B3GALNT1: variants seen among roughly 807,000 people sequenced by gnomAD.
The protein encoded by B3GALNT1 is UDP-GalNAc:beta-1,3-N-acetylgalactosaminyltransferase 1.
Under a neutral mutation model 27.3 loss-of-function variants are expected in B3GALNT1, and 17 were observed. The ratio of observed to expected loss-of-function variants is 0.62; its 90% CI spans 0.43 to 0.94. The LOEUF is 0.94. Among genes scored for constraint, B3GALNT1 ranks in the 40% least tolerant of loss-of-function variants. The pLI is 0.00. For missense variants in B3GALNT1, 347 were observed against 390.0 expected, an observed-to-expected ratio of 0.89 and a Z score of 0.93; for synonymous variants, 141 against 144.0, an observed-to-expected ratio of 0.98 and a Z score of 0.15.
intron 4 of B3GALNT1, among the ~76,000 whole-genome samples, chr3:161,100,245 A>G (rs1730496708): frequency 6.6e-6 from 1 of 152,212 alleles, no homozygotes; most frequent in African/African-American, 2.4e-5. Flanking sequence ...CATATTTTAA[A>G]TTGTTCAATT....
chr3:161,086,565 G>C lies in B3GALNT1; in HGVS notation c.190C>G (p.His64Asp). 2.5e-6 allele frequency: 4 copies of C among 1,614,190 alleles called. No individual in the cohort carries two copies. The highest frequency in any genetic ancestry group is 1.6e-4 in the Middle Eastern group (1 of 6,062). The stretch of plus-strand genomic sequence containing the variant: ...TTTGAATGCTCTCGAAGTGTGAAGT[G>C]AAAGTCTTGTCTGTAAATCGGCTCA... ...EYEPIYRQDF[H>D]FTLREHSNCS... Residue 64 changes from histidine (H) to aspartate (D), a missense_variant, in exon 5 of 5, where the codon CAC becomes GAC. Transcript: ENST00000320474.
At chr3:161,090,776 C>T (rs1483234920) in intron 4 of B3GALNT1, among the ~76,000 whole-genome samples, 2 of 152,014 alleles carry the variant, frequency 1.3e-5, no homozygotes, top group Non-Finnish European at 1.5e-5. Flanking sequence ...TTAAAGAGAA[C>T]ACCATATCTG....
intron 4 of B3GALNT1, among the ~76,000 whole-genome samples, chr3:161,095,395 G>A (rs1393388192): frequency 6.6e-6 from 1 of 152,194 alleles, no homozygotes; most frequent in African/African-American, 2.4e-5. Flanking sequence ...AATAGGCTAA[G>A]GCGAATATCT....
intron 4 of B3GALNT1, among the ~76,000 whole-genome samples, chr3:161,091,549 C>A (rs896778341): frequency 7.2e-5 from 11 of 152,212 alleles, no homozygotes; most frequent in African/African-American, 2.7e-4. Context: ...ATGCTACCCA[C>A]CTGTTAGTCA....
At chr3:161,092,357 T>C (rs960380914) in intron 4 of B3GALNT1, among the ~76,000 whole-genome samples, 2 of 152,208 alleles carry the variant, frequency 1.3e-5, no homozygotes, top group South Asian at 2.1e-4. Flanking sequence ...TAATGATATA[T>C]GTATAAATTA....
intron 4 of B3GALNT1, among the ~76,000 whole-genome samples, chr3:161,094,126 A>G (rs549695612): frequency 1.3e-5 from 2 of 152,322 alleles, no homozygotes; most frequent in East Asian, 3.9e-4. Flanking sequence ...TCCAGATCTC[A>G]CATTCTTGGC....
At chr3:161,099,308 A>G (rs1729910982) in intron 4 of B3GALNT1, among the ~76,000 whole-genome samples, 1 of 152,242 alleles carries the variant, frequency 6.6e-6, no homozygotes, top group Non-Finnish European at 1.5e-5. Flanking sequence ...CAAATTCATT[A>G]AAAGATGTAA....
chr3:161,104,633 C>G (rs554107732), intron 1 of B3GALNT1: 1 of 230,640 alleles, frequency 4.3e-6, no homozygotes, highest in Non-Finnish European at 8.7e-6. Context: ...TAGCCCTAGC[C>G]CCGTGGGATT....
chr3:161,095,942 T>C (rs1727931612), intron 4 of B3GALNT1, among the ~76,000 whole-genome samples: 1 of 152,226 alleles, frequency 6.6e-6, no homozygotes, highest in South Asian at 2.1e-4. Context: ...ACCTAACACC[T>C]TGTTGGACCT....
Position 161,084,167 on chromosome 3 carries a change from T to C in B3GALNT1, c.*1592A>G, listed in dbSNP as rs1720661146. ...AATCTTCTGCAAAACCAGTCAAATCTAACCATGCCACAAAAATAACTACCA... is the reference window on the plus strand; with the variant it reads ...AATCTTCTGCAAAACCAGTCAAATCCAACCATGCCACAAAAATAACTACCA... On this transcript the variant is annotated 3_prime_UTR_variant, in exon 5 of 5. Coordinates refer to ENST00000320474, the MANE Select transcript of B3GALNT1 (RefSeq NM_003781.4). The C allele has an allele frequency of 6.6e-6, 1 of 152,168 alleles. No homozygotes were observed. The highest frequency in any genetic ancestry group is 2.4e-5 in the African/African-American group (1 of 41,430). The allele number at this position is 152,168 out of a possible 1,614,324, so 9.4% of individuals were successfully genotyped here.
chr3:161,096,732 CCT>C (rs1728380767), intron 4 of B3GALNT1, among the ~76,000 whole-genome samples: 1 of 152,156 alleles, frequency 6.6e-6, no homozygotes, highest in Admixed American at 6.5e-5. Flanking sequence ...GAGGCCCTCC[CCT>C]GATTATATTA....
chr3:161,098,236 T>C (rs1011632257), intron 4 of B3GALNT1, among the ~76,000 whole-genome samples: 4 of 152,172 alleles, frequency 2.6e-5, no homozygotes, highest in African/African-American at 9.7e-5. Context: ...GGAGTCAGGG[T>C]GTCAGAGCCT....
intron 4 of B3GALNT1, among the ~76,000 whole-genome samples, chr3:161,090,932 A>C (rs914757762): frequency 6.6e-6 from 1 of 152,164 alleles, no homozygotes; most frequent in Non-Finnish European, 1.5e-5. Flanking sequence ...AGAGGAAGCA[A>C]ATAGCTCTAA....
At chr3:161,101,921 C>T (rs758995121) in intron 3 of B3GALNT1, among the ~76,000 whole-genome samples, 1 of 152,212 alleles carries the variant, frequency 6.6e-6, no homozygotes, top group Non-Finnish European at 1.5e-5. Context: ...AGCCCTATGA[C>T]ATGCTGCAGG....
At chr3:161,098,768 C>A (rs1477557802) in intron 4 of B3GALNT1, among the ~76,000 whole-genome samples, 2 of 152,114 alleles carry the variant, frequency 1.3e-5, no homozygotes, top group Admixed American at 6.5e-5. Flanking sequence ...TCCAAATAAC[C>A]CTGAATAAGT....
At chr3:161,090,725 G>A (rs1409211917) in intron 4 of B3GALNT1, among the ~76,000 whole-genome samples, 2 of 151,754 alleles carry the variant, frequency 1.3e-5, no homozygotes, top group African/African-American at 4.8e-5. Context: ...TTGTTTAGAA[G>A]CTCAAAATCC....
intron 1 of B3GALNT1, chr3:161,105,027 C>A (rs1050887041): frequency 6.6e-6 from 1 of 152,414 alleles, no homozygotes; most frequent in African/African-American, 2.4e-5. Flanking sequence ...TGCTCGTCAC[C>A]GAGACCCGAG....
chr3:161,097,139 A>C (rs367820433), intron 4 of B3GALNT1, among the ~76,000 whole-genome samples: 48 of 152,346 alleles, frequency 3.2e-4, no homozygotes, highest in African/African-American at 1.1e-3. Flanking sequence ...GAAGTTTGAG[A>C]AGCAATGAAA....
chr3:161,096,372 A>C (rs1336352781), intron 4 of B3GALNT1, among the ~76,000 whole-genome samples: 1 of 152,242 alleles, frequency 6.6e-6, no homozygotes, highest in South Asian at 2.1e-4. Context: ...AGCACGCTAG[A>C]GTCAGGATCA....
Sources: gnomAD v4.1 joint callset for allele counts (sites outside exome capture counted in the v4.1 genomes callset) on GRCh38, gnomAD v4.1.1 for gene constraint, MANE v1.5 for transcripts, NCBI Gene and HGNC (gene_info 2026-07-23, HGNC 2026-07-21) for gene names.